Variants in TTC6 observed in about 807,000 individuals in gnomAD.
TTC6 encodes tetratricopeptide repeat domain 6.
Under a neutral mutation model 210.4 loss-of-function variants are expected in TTC6, and 172 were observed. The observed-to-expected ratio is 0.82, with a 90% CI of 0.72 to 0.93. The LOEUF is 0.93. TTC6 is among the 40% of genes least tolerant of loss of function. The pLI is 0.00. For synonymous variants in TTC6, 804 were observed against 819.6 expected, an observed-to-expected ratio of 0.98 and a Z score of 0.32; for missense variants, 2,414 against 2,318.1, an observed-to-expected ratio of 1.04 and a Z score of -0.85.
At chr14:37,786,196 T>C (rs1046864483) in intron 14 of TTC6, among the ~76,000 whole-genome samples, 3 of 152,192 alleles carry the variant, frequency 2.0e-5, no homozygotes, top group African/African-American at 7.2e-5. Flanking sequence ...TCTGCTGCCT[T>C]TTGTTCAGCT....
intron 4 of TTC6, among the ~76,000 whole-genome samples, chr14:37,700,214 G>T (rs1384133713): frequency 6.6e-6 from 1 of 152,148 alleles, no homozygotes; most frequent in African/African-American, 2.4e-5. Context: ...CTTCCACCCA[G>T]AAGTCACTAA....
intron 2 of TTC6, among the ~76,000 whole-genome samples, chr14:37,681,660 G>A (rs2095783899): frequency 6.6e-6 from 1 of 152,056 alleles, no homozygotes; most frequent in Non-Finnish European, 1.5e-5. Flanking sequence ...TCAGACTGCA[G>A]CTTCTTTGAC....
In TTC6 at chr14:37,725,348, A is replaced by ATATATATATG. The variant is rs1555391432; in HGVS notation, c.1818+355_1818+356insGTATATATAT. ...TATATATATATATATATATATATAT[A>ATATATATATG]TATATATATAATTTTTTTTGAGATG... is the stretch of plus-strand genomic sequence containing the variant. On this transcript the variant is annotated intron_variant, in intron 7 of 30. Coordinates refer to ENST00000553443, the Ensembl canonical transcript of TTC6. Among the ~76,000 whole-genome samples, 1,061 of 112,994 alleles carry ATATATATATG rather than the reference A, an allele frequency of 9.4e-3. 13 individuals carry two copies. The highest frequency in any genetic ancestry group is 0.013 in the Non-Finnish European group (705 of 55,214). 74.1% of individuals were successfully genotyped at this position (112,994 alleles called of 152,430 possible).
At chr14:37,709,036 T>C (rs1007294921) in intron 5 of TTC6, among the ~76,000 whole-genome samples, 1 of 152,100 alleles carries the variant, frequency 6.6e-6, no homozygotes, top group African/African-American at 2.4e-5. Flanking sequence ...TGTAATACTC[T>C]GTTCTGTCTC....
At chr14:37,750,062 A>T (rs1339473275) in intron 12 of TTC6, among the ~76,000 whole-genome samples, 1 of 152,178 alleles carries the variant, frequency 6.6e-6, no homozygotes, top group African/African-American at 2.4e-5. Flanking sequence ...CTTGATATAT[A>T]TTGCAGTAAG....
chr14:37,812,901 A>G (rs1249999091), intron 25 of TTC6, among the ~76,000 whole-genome samples: 1 of 152,224 alleles, frequency 6.6e-6, no homozygotes, highest in African/African-American at 2.4e-5. Context: ...TTAGAATCAT[A>G]CTAGAAAAAA....
intron 2 of TTC6, among the ~76,000 whole-genome samples, chr14:37,607,471 A>G (rs1282937947): frequency 6.6e-6 from 1 of 152,230 alleles, no homozygotes; most frequent in Non-Finnish European, 1.5e-5. Context: ...GCTAGATACT[A>G]AAGATACTAA....
chr14:37,606,853 C>T, intron 2 of TTC6, 111 bp downstream of exon 2: 1 of 877,442 alleles, frequency 1.1e-6, no homozygotes, highest in Non-Finnish European at 1.4e-6. Context: ...TCCAGGATTT[C>T]TGTGGTGGCT....
At chr14:37,766,931 C>T (rs1372688219) in intron 14 of TTC6, among the ~76,000 whole-genome samples, 1 of 147,502 alleles carries the variant, frequency 6.8e-6, no homozygotes, top group Non-Finnish European at 1.5e-5. Flanking sequence ...AGGTATATCT[C>T]CCAATGCTAT....
chr14:37,838,930 T>G (rs1342196833), intron 29 of TTC6, among the ~76,000 whole-genome samples: 1 of 152,212 alleles, frequency 6.6e-6, no homozygotes, highest in Non-Finnish European at 1.5e-5. Context: ...TGTGTTACTT[T>G]GCTGAGAATG....
At chr14:37,807,159 T>C (rs923513935) in intron 22 of TTC6, among the ~76,000 whole-genome samples, 161 bp from the exon 25 acceptor site, 10 of 152,184 alleles carry the variant, frequency 6.6e-5, no homozygotes, top group African/African-American at 2.2e-4. Context: ...TTATTCTGTG[T>C]CCTTTGAAAT....
chr14:37,710,443 G>A (rs1301116007), intron 5 of TTC6, among the ~76,000 whole-genome samples: 2 of 152,042 alleles, frequency 1.3e-5, no homozygotes, highest in Admixed American at 1.3e-4. Context: ...TCTCTCTCTG[G>A]CCTCATGGGA....
At chr14:37,841,445 G>T in exon 30 of TTC6, 1 of 1,583,204 alleles carries the variant, frequency 6.3e-7, no homozygotes, top group African/African-American at 1.4e-5. Context: ...TATTTTGTAG[G>T]CCAGTGACTA....
chr14:37,724,090 C>T (rs972193293), intron 6 of TTC6, among the ~76,000 whole-genome samples: 4 of 152,006 alleles, frequency 2.6e-5, no homozygotes, highest in African/African-American at 9.7e-5. Context: ...CTAGCAAACA[C>T]CTGAGAATAT....
intron 1 of TTC6, among the ~76,000 whole-genome samples, chr14:37,649,273 C>G (rs2095706982): frequency 6.6e-6 from 1 of 152,150 alleles, no homozygotes; most frequent in Admixed American, 6.5e-5. Context: ...AGGGCTGTTT[C>G]TTCTCTGGGA....
chr14:37,600,847 C>T (rs538436435), intron 1 of TTC6, among the ~76,000 whole-genome samples: 133 of 151,900 alleles, frequency 8.8e-4, no homozygotes, highest in Admixed American at 2.4e-3. Flanking sequence ...CAAGAGCTAA[C>T]ATCAGAGGAA....
At chr14:37,726,436 G>A in intron 7 of TTC6, among the ~76,000 whole-genome samples, 1 of 152,042 alleles carries the variant, frequency 6.6e-6, no homozygotes, top group Middle Eastern at 3.2e-3. Context: ...TGTTAATATT[G>A]AAATATCTTT....
chr14:37,792,114 C>A, intron 16 of TTC6, 150 bp from the exon 19 acceptor site: 2 of 588,542 alleles, frequency 3.4e-6, no homozygotes, highest in Middle Eastern at 4.8e-4. Context: ...TCATAGAGAG[C>A]AGCTAACTAA....
At chr14:37,723,100 G>A (rs971598771) in intron 6 of TTC6, among the ~76,000 whole-genome samples, 1 of 152,034 alleles carries the variant, frequency 6.6e-6, no homozygotes, top group Non-Finnish European at 1.5e-5. Flanking sequence ...TGGCCATTGG[G>A]AACTCCTTCA....
Sources: gnomAD v4.1 joint callset for allele counts (sites outside exome capture counted in the v4.1 genomes callset) on GRCh38, gnomAD v4.1.1 for gene constraint, MANE v1.5 for transcripts, NCBI Gene and HGNC (gene_info 2026-07-23, HGNC 2026-07-21) for gene names.